The following NGEF variants were observed in gnomAD, a reference collection of about 807,000 sequenced individuals.
The protein encoded by NGEF is neuronal guanine nucleotide exchange factor.
In NGEF, 31 loss-of-function variants were observed where a neutral mutation model predicts 80.9. The observed-to-expected ratio is 0.38, with a 90% confidence interval of 0.29 to 0.52. NGEF has a LOEUF of 0.52. NGEF is among the 20% of genes least tolerant of loss of function. The pLI, the probability that NGEF is intolerant of heterozygous loss-of-function variation, is 0.84. For synonymous variants in NGEF, 371 were observed against 370.2 expected (o/e 1.00, Z -0.03); for missense variants, 709 against 926.2 (o/e 0.77, Z 3.04).
intron 1 of NGEF, among the ~76,000 whole-genome samples, chr2:232,983,857 C>A (rs1221791369): frequency 6.6e-6 from 1 of 152,174 alleles, no homozygotes; most frequent in African/African-American, 2.4e-5. Context: ...GATTAAGGAA[C>A]GTTCTTAAGC....
chr2:232,969,371 A>G (rs1694134643), intron 3 of NGEF, among the ~76,000 whole-genome samples: 1 of 151,854 alleles, frequency 6.6e-6, no homozygotes, highest in African/African-American at 2.4e-5. Flanking sequence ...CAGCCTCCCA[A>G]AGAGCTGGGA....
intron 1 of NGEF, among the ~76,000 whole-genome samples, chr2:232,979,095 C>T (rs1181735916): frequency 6.6e-6 from 1 of 152,066 alleles, no homozygotes. Context: ...GACCTGGGTT[C>T]GAATCTCCAT....
At chr2:232,909,729 C>G (rs1445800138) in intron 5 of NGEF, among the ~76,000 whole-genome samples, 3 of 152,128 alleles carry the variant, frequency 2.0e-5, no homozygotes, top group Non-Finnish European at 4.4e-5. Flanking sequence ...ACGCTCCCCC[C>G]ACACCTAACC....
At chr2:232,902,759 G>C (rs544468082) in intron 5 of NGEF, among the ~76,000 whole-genome samples, 2 of 152,296 alleles carry the variant, frequency 1.3e-5, no homozygotes, top group African/African-American at 4.8e-5. Flanking sequence ...CCAATACTTT[G>C]GGAGGCCCAG....
intron 4 of NGEF, among the ~76,000 whole-genome samples, chr2:232,920,995 G>A (rs1432876927): frequency 6.6e-6 from 1 of 152,098 alleles, no homozygotes; most frequent in African/African-American, 2.4e-5. Context: ...TCAAACTCAG[G>A]AATATTCATT....
At chr2:232,975,434 C>T (rs1188769151) in intron 1 of NGEF, among the ~76,000 whole-genome samples, 1 of 152,098 alleles carries the variant, frequency 6.6e-6, no homozygotes, top group Non-Finnish European at 1.5e-5. Flanking sequence ...ACAAACCTTG[C>T]CATCAGCTGG....
intron 5 of NGEF, among the ~76,000 whole-genome samples, chr2:232,910,626 G>T (rs1190613635): frequency 6.6e-6 from 1 of 152,182 alleles, no homozygotes; most frequent in Non-Finnish European, 1.5e-5. Flanking sequence ...CGTTTAACTT[G>T]GTAAGAAACC....
At chr2:232,971,472 G>A (rs533967297) in intron 2 of NGEF, among the ~76,000 whole-genome samples, 186 of 152,242 alleles carry the variant, frequency 1.2e-3, no homozygotes, top group African/African-American at 4.4e-3. Flanking sequence ...ATCACTTGAG[G>A]TCAGGAGTTC....
rs115034539 is a variant in NGEF at position 232,909,710 on chromosome 2, C to T, written c.828+10574G>A. On this transcript the variant is annotated intron_variant, in intron 5 of 14. Coordinates refer to ENST00000264051, the MANE Select transcript of NGEF (RefSeq NM_019850.3). Reference sequence around the variant, plus strand: ...CTGCCCACAACCCCCTCAGCCATCCCGTCTCCCCACGCTCCCCCCACACCT... The same window carrying T: ...CTGCCCACAACCCCCTCAGCCATCCTGTCTCCCCACGCTCCCCCCACACCT... Among the ~76,000 whole-genome samples, 368 of 152,154 alleles carry T rather than the reference C, an allele frequency of 2.4e-3. 1 individual carries two copies. Among genetic ancestry groups the T allele is most frequent in the African/African-American group, 8.3e-3 (345 of 41,488 alleles).
At chr2:232,884,468 C>G (rs1691612384) in intron 10 of NGEF, among the ~76,000 whole-genome samples, 1 of 152,194 alleles carries the variant, frequency 6.6e-6, no homozygotes, top group African/African-American at 2.4e-5. Context: ...ATGTACACTG[C>G]TGTTTACATG....
chr2:232,997,521 A>T (rs72980035), intron 1 of NGEF, among the ~76,000 whole-genome samples: 1 of 151,940 alleles, frequency 6.6e-6, no homozygotes, highest in Non-Finnish European at 1.5e-5. Context: ...TTGGGCCTAC[A>T]GTGGAGATTT....
At chr2:232,964,621 G>A (rs1455097990) in intron 3 of NGEF, among the ~76,000 whole-genome samples, 6 of 152,208 alleles carry the variant, frequency 3.9e-5, no homozygotes, top group Admixed American at 2.0e-4. Flanking sequence ...CTGGGAGGTG[G>A]AGGTTGCAGT....
At chr2:232,888,517 ATG>A (rs757923226) in intron 8 of NGEF, among the ~76,000 whole-genome samples, 4 of 150,052 alleles carry the variant, frequency 2.7e-5, no homozygotes, top group East Asian at 4.1e-4. Context: ...GCATACAAGC[ATG>A]TGTGCGCACA....
intron 1 of NGEF, among the ~76,000 whole-genome samples, chr2:232,984,621 C>T (rs1381105140): frequency 1.3e-5 from 2 of 152,078 alleles, no homozygotes; most frequent in East Asian, 1.9e-4. Context: ...GAAGAGGAAC[C>T]GTGAGCTGCA....
At chr2:232,999,604 G>C (rs752030140) in intron 1 of NGEF, among the ~76,000 whole-genome samples, 14 of 152,242 alleles carry the variant, frequency 9.2e-5, no homozygotes, top group Admixed American at 3.3e-4. Flanking sequence ...GAGAGAGCTG[G>C]GGACAAGGAT....
chr2:232,886,914 GGCTACCCT>G (rs1027222705), intron 9 of NGEF, among the ~76,000 whole-genome samples: 3 of 152,354 alleles, frequency 2.0e-5, no homozygotes, highest in African/African-American at 7.2e-5. Flanking sequence ...GATGCCCCCT[GGCTACCCT>G]GCTTGAGGCT....
chr2:232,919,673 A>G (rs574147180), intron 5 of NGEF, among the ~76,000 whole-genome samples: 2 of 152,326 alleles, frequency 1.3e-5, no homozygotes, highest in African/African-American at 4.8e-5. Flanking sequence ...TGCTAGCAAC[A>G]AACCATCAAG....
chr2:232,963,261 A>C (rs1245059368), intron 3 of NGEF, among the ~76,000 whole-genome samples: 3 of 151,906 alleles, frequency 2.0e-5, no homozygotes, highest in Non-Finnish European at 4.4e-5. Flanking sequence ...CGGTCATTGG[A>C]CTTTTGAAAA....
chr2:232,932,495 G>A (rs753314983), intron 3 of NGEF, among the ~76,000 whole-genome samples: 5 of 152,016 alleles, frequency 3.3e-5, no homozygotes, highest in Non-Finnish European at 7.4e-5. Flanking sequence ...CATCCATGGC[G>A]ATCTAGGCTT....
Sources: allele counts gnomAD v4.1 joint callset (sites outside exome capture counted in the v4.1 genomes callset), GRCh38; gene constraint gnomAD v4.1.1; transcripts MANE v1.5; gene names NCBI Gene and HGNC (gene_info 2026-07-23, HGNC 2026-07-21).